The following LSS variants were observed in gnomAD, a reference collection of about 807,000 sequenced individuals.
LSS encodes the protein lanosterol synthase, also known as 2,3-epoxysqualene-lanosterol cyclase.
A neutral mutation model predicts 110.3 loss-of-function variants in LSS; 90 were observed. That is an observed-to-expected ratio of 0.82 (90% CI 0.69 to 0.97). LSS has a LOEUF of 0.97. Ranked by LOEUF, LSS falls within the 50% of genes least tolerant of loss-of-function variation. The probability of loss-of-function intolerance (pLI) is 0.00; values close to 1 mark genes in which losing one functional copy is unlikely to be tolerated. For missense variants in LSS, 927 were observed against 990.0 expected, an observed-to-expected ratio of 0.94 and a Z score of 0.85; for synonymous variants, 433 against 400.0, an observed-to-expected ratio of 1.08 and a Z score of -0.98.
intron 3 of LSS, among the ~76,000 whole-genome samples, chr21:46,223,909 C>T (rs1477247443): frequency 2.0e-5 from 3 of 152,316 alleles, no homozygotes; most frequent in Admixed American, 6.5e-5. Context: ...ACACCCGCTA[C>T]TTAGCAGACC....
chr21:46,224,719 G>A (rs2080316247), intron 3 of LSS: 1 of 152,264 alleles, frequency 6.6e-6, no homozygotes, highest in African/African-American at 2.4e-5. Context: ...GTGTTCACCA[G>A]AGTGCTGCCC....
In LSS at chr21:46,209,124, C is replaced by A. The variant is rs2080093230; in HGVS notation, c.1266+430G>T. On this transcript the variant is annotated intron_variant, in intron 13 of 21. Coordinates refer to ENST00000397728, the MANE Select transcript of LSS (RefSeq NM_002340.6). This position sits in a 1 kb window ranked among gnomAD's most constrained non-coding sequence, Gnocchi z 4.4. The stretch of plus-strand genomic sequence containing the variant: ...CGGGCAGGGTCTGTGGGCAGCTGAT[C>A]TGGCAGGAGGGACCGGGGCTTTTGC... 6.6e-6 allele frequency among the ~76,000 whole-genome samples: 1 copy of A among 152,146 alleles called. No homozygotes were observed. The highest frequency in any genetic ancestry group is 2.4e-5 in the African/African-American group (1 of 41,420).
intron 17 of LSS, among the ~76,000 whole-genome samples, chr21:46,203,804 C>A (rs972102741): frequency 2.0e-5 from 3 of 152,206 alleles, no homozygotes; most frequent in Admixed American, 2.0e-4. Context: ...GCAGCATACT[C>A]CCACATAACT....
At chr21:46,195,160 T>C (rs970589512) in intron 19 of LSS, among the ~76,000 whole-genome samples, 1 of 152,168 alleles carries the variant, frequency 6.6e-6, no homozygotes, top group African/African-American at 2.4e-5. Flanking sequence ...TTGGGAGGCA[T>C]CTGTATGCCT....
At chr21:46,191,848 G>A (rs926794837) in intron 21 of LSS, 33 bp downstream of exon 21, 3 of 1,586,452 alleles carry the variant, frequency 1.9e-6, no homozygotes, top group African/African-American at 1.3e-5. Context: ...GGTCAGTGCT[G>A]GGCCTTGTGC....
intron 4 of LSS, 29 bp from the exon 5 acceptor site, chr21:46,222,004 C>T (rs752608704): frequency 1.7e-5 from 28 of 1,612,660 alleles, no homozygotes; most frequent in Admixed American, 3.3e-5. Context: ...GGTGAGAAAC[C>T]GGTATCTGTC....
rs567888925 is a variant in LSS, at chr21:46,222,335, G to C, written c.428+295C>G. ...CTTGTCTCCACCTGCTGCCAGCCCA[G>C]AGTCAAGGGCAATTTTCTTCTGCCT... On this transcript the variant is annotated intron_variant, in intron 4 of 21. Coordinates refer to ENST00000397728, the MANE Select transcript of LSS (RefSeq NM_002340.6). The C allele has an allele frequency of 5.4e-5, 29 of 534,416 alleles. No homozygotes were observed. In the South Asian group the frequency reaches 6.1e-4, roughly 11 times the overall value. The allele number at this position is 534,416 out of a possible 1,614,324, so 33.1% of individuals were successfully genotyped here. A position where few individuals can be genotyped will look rare whatever the true frequency, so the allele number is the denominator to read the frequency against.
chr21:46,196,929 T>A (rs980765810), intron 17 of LSS, among the ~76,000 whole-genome samples: 1 of 152,242 alleles, frequency 6.6e-6, no homozygotes, highest in Non-Finnish European at 1.5e-5. Flanking sequence ...AGCTGAGGAA[T>A]GGGATCGTGC....
At position 46,209,187 on chromosome 21, in the gene LSS, G is replaced by A. The variant is rs1024055092; in HGVS notation, c.1266+367C>T. Among the ~76,000 whole-genome samples, 10 of 152,142 alleles carry A rather than the reference G, an allele frequency of 6.6e-5. No homozygotes were observed. The highest frequency in any genetic ancestry group is 1.2e-4 in the Non-Finnish European group (8 of 68,006). On this transcript the variant is annotated intron_variant, in intron 13 of 21. Transcript: ENST00000397728. The surrounding 1 kb of genome is among the most constrained non-coding windows in gnomAD (Gnocchi z 4.4). ...CAGGAGGGCAAGTCCACAGGCTGGC[G>A]TCACCTCCATGGGCAGAAGGTGCTT...
At chr21:46,214,644 C>T (rs1211957863) in intron 9 of LSS, among the ~76,000 whole-genome samples, 3 of 152,196 alleles carry the variant, frequency 2.0e-5, no homozygotes, top group Non-Finnish European at 4.4e-5. Context: ...GGCCACGCAC[C>T]AGCACAGCCC....
At chr21:46,215,847 C>T (rs2080200661) in intron 7 of LSS, 54 bp from the exon 8 acceptor site, 1 of 1,253,160 alleles carries the variant, frequency 8.0e-7, no homozygotes, top group Non-Finnish European at 1.1e-6. Flanking sequence ...GTAGGCCTGG[C>T]TCAAACCAGG....
At chr21:46,201,554 A>G (rs919073046) in intron 17 of LSS, among the ~76,000 whole-genome samples, 7 of 150,836 alleles carry the variant, frequency 4.6e-5, no homozygotes, top group Admixed American at 4.6e-4. Context: ...TGAAGCCCTG[A>G]GGGTAGAGCC....
intron 17 of LSS, among the ~76,000 whole-genome samples, chr21:46,198,469 C>T (rs2079938298): frequency 6.6e-6 from 1 of 152,160 alleles, no homozygotes; most frequent in Non-Finnish European, 1.5e-5. Context: ...ACTTGAGCTA[C>T]AGATTCAATG....
At chr21:46,210,382 TAAG>T (rs1426712273) in intron 12 of LSS, among the ~76,000 whole-genome samples, 4 of 152,016 alleles carry the variant, frequency 2.6e-5, no homozygotes, top group Non-Finnish European at 4.4e-5. Context: ...GTTCCAGTTC[TAAG>T]AAGAGCCTGG....
At chr21:46,226,051 A>T (rs2080335960) in intron 3 of LSS, among the ~76,000 whole-genome samples, 1 of 151,398 alleles carries the variant, frequency 6.6e-6, no homozygotes, top group South Asian at 2.1e-4. Context: ...CAGGAGAATC[A>T]CTTGGACCCA....
At chr21:46,213,597 G>T in intron 10 of LSS, 141 bp downstream of exon 10, 1 of 682,246 alleles carries the variant, frequency 1.5e-6, no homozygotes, top group Non-Finnish European at 2.6e-6. Flanking sequence ...GCTTCCACAA[G>T]CCCTGACACT....
intron 3 of LSS, among the ~76,000 whole-genome samples, chr21:46,224,219 A>G (rs553521878): frequency 6.6e-6 from 1 of 152,130 alleles, no homozygotes; most frequent in East Asian, 1.9e-4. Context: ...GCTGCCAGGC[A>G]GGGAAGGGCC....
intron 8 of LSS, 100 bp from the exon 9 acceptor site, chr21:46,215,398 T>TGGGGGGGGGGGCCC: frequency 1.3e-6 from 1 of 763,006 alleles, no homozygotes; most frequent in African/African-American, 1.8e-5. Flanking sequence ...TCCCAGGGTT[T>TGGGGGGGGGGGCCC]CCCCCTCCCA....
chr21:46,221,940 G>A lies in LSS; in HGVS notation c.464C>T (p.Ala155Val), dbSNP rs749619734. 2.9e-5 allele frequency: 47 copies of A among 1,614,156 alleles called. No homozygotes were observed. The highest frequency in any genetic ancestry group is 3.3e-5 in the Non-Finnish European group (39 of 1,180,012). ...IEDKSTVFGT[A>V]LNYVSLRILG... ...AATTCTGAGAGACACATAGTTGAGCGCAGTCCCAAACACGGTGGACTTATC... is the reference window on the plus strand; with the variant it reads ...AATTCTGAGAGACACATAGTTGAGCACAGTCCCAAACACGGTGGACTTATC... The change falls in exon 5 of 22, where the codon GCG (alanine) becomes GTG (valine). Residue 155 changes from alanine to valine, a missense_variant. Coordinates refer to ENST00000397728, the MANE Select transcript of LSS (RefSeq NM_002340.6).
Sources: gnomAD v4.1 joint callset for allele counts (sites outside exome capture counted in the v4.1 genomes callset) on GRCh38, gnomAD v4.1.1 for gene constraint, Gnocchi (gnomAD v3.1) non-coding constraint, MANE v1.5 for transcripts, NCBI Gene and HGNC (gene_info 2026-07-23, HGNC 2026-07-21) for gene names.